The following ADORA2B variants were observed in gnomAD, a reference collection of about 807,000 sequenced individuals.
The protein encoded by ADORA2B is adenosine A2b receptor.
Under a neutral mutation model 20.8 loss-of-function variants are expected in ADORA2B, and 18 were observed. That is an observed-to-expected ratio of 0.87 (90% CI 0.60 to 1.29). The LOEUF (loss-of-function observed/expected upper bound fraction) is 1.29. Among genes scored for constraint, ADORA2B ranks in the 50% most tolerant of loss-of-function variants. The pLI is 0.00. For missense variants in ADORA2B, 441 were observed against 422.7 expected, an observed-to-expected ratio of 1.04 and a Z score of -0.38; for synonymous variants, 179 against 178.3, an observed-to-expected ratio of 1.00 and a Z score of -0.03.
At chr17:15,945,078 G>A (rs1398326893), upstream of ADORA2B, 2 of 461,498 alleles carry the variant, frequency 4.3e-6, no homozygotes, top group Non-Finnish European at 6.8e-6. Context: ...TCTTGGCCGC[G>A]GGGGGCCCCG....
chr17:15,874,533 A>AT, the ADORA2B span, among the ~76,000 whole-genome samples: 12 of 151,822 alleles, frequency 7.9e-5, no homozygotes, highest in South Asian at 2.5e-3. Context: ...ACCAAAAAAA[A>AT]AAATAAATAA....
the ADORA2B span, among the ~76,000 whole-genome samples, chr17:15,873,187 T>G: frequency 2.6e-5 from 4 of 152,186 alleles, no homozygotes; most frequent in Non-Finnish European, 5.9e-5. Flanking sequence ...TTAATTCTGT[T>G]TATGCGATGT....
At chr17:15,937,718 G>A in the ADORA2B span, among the ~76,000 whole-genome samples, 5 of 151,886 alleles carry the variant, frequency 3.3e-5, no homozygotes, top group African/African-American at 7.3e-5. Flanking sequence ...GACTACAGGC[G>A]TGTGCCACCA....
At chr17:15,892,015 ATTT>A in the ADORA2B span, among the ~76,000 whole-genome samples, 5 of 134,006 alleles carry the variant, frequency 3.7e-5, no homozygotes, top group Admixed American at 1.5e-4. Context: ...TGCCCAGCTA[ATTT>A]TTTTTTTTTT....
At chr17:15,944,131 A>G (rs986559620), upstream of ADORA2B, among the ~76,000 whole-genome samples, 2 of 152,194 alleles carry the variant, frequency 1.3e-5, no homozygotes, top group South Asian at 2.1e-4. The surrounding 1 kb of genome is among the most constrained non-coding windows in gnomAD (Gnocchi z 4.8). Flanking sequence ...GGTGTCAGCA[A>G]ACTTCCTAGG....
chr17:15,960,807 C>A (rs1380151556), intron 1 of ADORA2B, among the ~76,000 whole-genome samples: 2 of 150,120 alleles, frequency 1.3e-5, no homozygotes, highest in African/African-American at 2.5e-5. Context: ...GTCCAGGAGA[C>A]AGAGGTTGCA....
chr17:15,885,621 C>G, the ADORA2B span, among the ~76,000 whole-genome samples: 1 of 150,812 alleles, frequency 6.6e-6, no homozygotes, highest in African/African-American at 2.4e-5. Context: ...GGCTGAGGCA[C>G]GAGAATTGCT....
the ADORA2B span, among the ~76,000 whole-genome samples, chr17:15,939,860 A>C: frequency 4.3e-5 from 5 of 117,506 alleles, no homozygotes; most frequent in African/African-American, 1.8e-4. Context: ...ACTCTGTCTC[A>C]AAAAAAAAAA....
At chr17:15,917,752 G>C in the ADORA2B span, among the ~76,000 whole-genome samples, 1 of 152,252 alleles carries the variant, frequency 6.6e-6, no homozygotes, top group South Asian at 2.1e-4. Flanking sequence ...CGCATCAGGG[G>C]CTCCATTCAA....
chr17:15,864,034 C>T, the ADORA2B span: 14 of 209,598 alleles, frequency 6.7e-5, no homozygotes, highest in South Asian at 8.3e-4. Context: ...TTCTCCTTAA[C>T]GTGCTCTTCT....
the ADORA2B span, among the ~76,000 whole-genome samples, chr17:15,918,671 C>A: frequency 1.3e-5 from 2 of 152,222 alleles, no homozygotes; most frequent in South Asian, 4.1e-4. Context: ...GGGGTTTCAC[C>A]ATGTTGGCCA....
chr17:15,965,487 G>A (rs2151605580), intron 1 of ADORA2B, among the ~76,000 whole-genome samples: 1 of 152,274 alleles, frequency 6.6e-6, no homozygotes, highest in South Asian at 2.1e-4. Context: ...AGAGCTCAGG[G>A]GCAGATAAGC....
chr17:15,946,409 C>A (rs145903945), intron 1 of ADORA2B, among the ~76,000 whole-genome samples: 2 of 152,286 alleles, frequency 1.3e-5, no homozygotes, highest in East Asian at 3.9e-4. Context: ...AGTCAGCCAG[C>A]GACCAGAGTG....
At chr17:15,933,344 A>G in the ADORA2B span, among the ~76,000 whole-genome samples, 1 of 152,156 alleles carries the variant, frequency 6.6e-6, no homozygotes, top group Non-Finnish European at 1.5e-5. Context: ...TTTTTGCAAA[A>G]TTTTGAGAGA....
chr17:15,903,158 A>T, the ADORA2B span, among the ~76,000 whole-genome samples: 14 of 152,266 alleles, frequency 9.2e-5, no homozygotes, highest in South Asian at 2.1e-4. Flanking sequence ...CCACTTGAAA[A>T]TTTTTAAAAA....
the ADORA2B span, among the ~76,000 whole-genome samples, chr17:15,873,225 A>G: frequency 6.6e-6 from 1 of 152,176 alleles, no homozygotes; most frequent in Non-Finnish European, 1.5e-5. Context: ...GTATCTATCA[A>G]CTTATACAAA....
the ADORA2B span, among the ~76,000 whole-genome samples, chr17:15,890,091 T>G: frequency 1.5e-5 from 2 of 129,618 alleles, 1 homozygote. Flanking sequence ...ATACTTCCAA[T>G]TGCCTTCTTA....
At chr17:15,904,416 C>T in the ADORA2B span, among the ~76,000 whole-genome samples, 8 of 130,396 alleles carry the variant, frequency 6.1e-5, no homozygotes, top group Non-Finnish European at 1.1e-4. Context: ...TTTTTTGAGA[C>T]GGAGTCTCTC....
chr17:15,866,429 T>C, the ADORA2B span, among the ~76,000 whole-genome samples: 11 of 151,806 alleles, frequency 7.2e-5, no homozygotes, highest in Admixed American at 3.9e-4. Context: ...CATATGCAAA[T>C]TGGCCATGTG....
Sources: allele counts gnomAD v4.1 joint callset (sites outside exome capture counted in the v4.1 genomes callset), GRCh38; gene constraint gnomAD v4.1.1; non-coding constraint Gnocchi (gnomAD v3.1); transcripts MANE v1.5; gene names NCBI Gene and HGNC (gene_info 2026-07-23, HGNC 2026-07-21).